Variants in RANBP2 observed in about 807,000 individuals in gnomAD.
The protein encoded by RANBP2 is RAN binding protein 2.
In RANBP2, 57 loss-of-function variants were observed where a neutral mutation model predicts 303.6. The ratio of observed to expected loss-of-function variants is 0.19; its 90% CI spans 0.15 to 0.23. RANBP2 has a LOEUF of 0.23. RANBP2 is among the 10% of genes least tolerant of loss of function. The pLI, the probability that RANBP2 is intolerant of heterozygous loss-of-function variation, is 1.00. For synonymous variants in RANBP2, 1,167 were observed against 1,301.5 expected (o/e 0.90, Z 2.23); for missense variants, 3,138 against 3,780.8 (o/e 0.83, Z 4.46).
At chr2:108,805,080 G>C in the RANBP2 span, 1 of 843,358 alleles carries the variant, frequency 1.2e-6, no homozygotes, top group Non-Finnish European at 1.6e-6. Context: ...ACAAATTAAA[G>C]TCAGCCTTAG....
At chr2:109,424,922 C>T in the RANBP2 span, among the ~76,000 whole-genome samples, 6 of 152,068 alleles carry the variant, frequency 3.9e-5, no homozygotes, top group African/African-American at 7.2e-5. Flanking sequence ...TTAAGCTTGG[C>T]GAGGAAGTCA....
the RANBP2 span, among the ~76,000 whole-genome samples, chr2:109,438,365 T>C: frequency 6.6e-6 from 1 of 151,974 alleles, no homozygotes; most frequent in African/African-American, 2.4e-5. Flanking sequence ...GTGCCCAATG[T>C]CTGGCACCAT....
chr2:109,503,564 CTATT>C, the RANBP2 span: 1 of 152,184 alleles, frequency 6.6e-6, no homozygotes, highest in African/African-American at 2.4e-5. Flanking sequence ...CAAAAGCTCT[CTATT>C]TACCATTATT....
chr2:109,602,001 G>A, the RANBP2 span, among the ~76,000 whole-genome samples: 1 of 152,296 alleles, frequency 6.6e-6, no homozygotes, highest in African/African-American at 2.4e-5. Flanking sequence ...TAGTGAGGCA[G>A]ATTTTGACAC....
the RANBP2 span, among the ~76,000 whole-genome samples, chr2:109,194,714 C>T: frequency 6.6e-6 from 1 of 152,204 alleles, no homozygotes; most frequent in South Asian, 2.1e-4. Context: ...ATTCCCTCCA[C>T]CCTAAACACT....
At chr2:109,175,331 T>C in the RANBP2 span, among the ~76,000 whole-genome samples, 15 of 152,248 alleles carry the variant, frequency 9.9e-5, no homozygotes, top group African/African-American at 3.6e-4. Context: ...GAGGGGTTTG[T>C]ATTTCATCCT....
At chr2:108,824,113 C>G in the RANBP2 span, among the ~76,000 whole-genome samples, 1 of 151,978 alleles carries the variant, frequency 6.6e-6, no homozygotes, top group Non-Finnish European at 1.5e-5. Context: ...GACATGCAGG[C>G]TACAGTAAAT....
chr2:109,324,887 G>A, the RANBP2 span, among the ~76,000 whole-genome samples: 1 of 152,218 alleles, frequency 6.6e-6, no homozygotes, highest in South Asian at 2.1e-4. Flanking sequence ...CTCCTGGAAG[G>A]AACGGTGGAG....
the RANBP2 span, among the ~76,000 whole-genome samples, chr2:109,418,788 C>T: frequency 6.6e-6 from 1 of 152,198 alleles, no homozygotes; most frequent in African/African-American, 2.4e-5. Context: ...AGACAGGACA[C>T]TGTCCTAGGG....
chr2:108,852,408 C>T, the RANBP2 span, among the ~76,000 whole-genome samples: 2 of 152,206 alleles, frequency 1.3e-5, no homozygotes, highest in Admixed American at 1.3e-4. Flanking sequence ...GGGTATATAC[C>T]CAAACTAATA....
the RANBP2 span, among the ~76,000 whole-genome samples, chr2:108,957,685 C>T: frequency 2.0e-5 from 3 of 152,358 alleles, no homozygotes; most frequent in Middle Eastern, 3.4e-3. Flanking sequence ...ATGTCCAAAC[C>T]CCATCCTTCA....
chr2:109,183,557 T>G, the RANBP2 span, among the ~76,000 whole-genome samples: 1 of 152,050 alleles, frequency 6.6e-6, no homozygotes, highest in Non-Finnish European at 1.5e-5. Context: ...CATTTGAGTC[T>G]TACCCCAGCT....
chr2:109,421,156 T>C, the RANBP2 span, among the ~76,000 whole-genome samples: 1 of 152,198 alleles, frequency 6.6e-6, no homozygotes, highest in Non-Finnish European at 1.5e-5. Flanking sequence ...AAGAATTGGA[T>C]GCAGGATGCT....
At chr2:109,372,697 C>G in the RANBP2 span, among the ~76,000 whole-genome samples, 2 of 152,202 alleles carry the variant, frequency 1.3e-5, no homozygotes, top group East Asian at 3.9e-4. Context: ...GCCAGCCCTT[C>G]ACTCTCCTGC....
the RANBP2 span, among the ~76,000 whole-genome samples, chr2:109,195,560 C>T: frequency 6.6e-6 from 1 of 152,238 alleles, no homozygotes; most frequent in Non-Finnish European, 1.5e-5. Flanking sequence ...TTGCACCTAA[C>T]CCTCGCATGC....
the RANBP2 span, chr2:109,504,462 C>T: frequency 7.2e-4 from 109 of 152,302 alleles, no homozygotes; most frequent in African/African-American, 2.4e-3. Flanking sequence ...CAGGCTCAGC[C>T]GACTGGGAGA....
chr2:109,251,446 T>A, the RANBP2 span: 7 of 720,458 alleles, frequency 9.7e-6, no homozygotes, highest in African/African-American at 1.0e-4. Context: ...CCCTCCCGAG[T>A]TGAAAAAATC....
intron 4 of RANBP2, among the ~76,000 whole-genome samples, chr2:108,734,228 G>A (rs1241567726): frequency 2.6e-5 from 4 of 151,352 alleles, no homozygotes; most frequent in Non-Finnish European, 5.9e-5. Flanking sequence ...AAGGTAAAAT[G>A]GAATTTATAT....
the RANBP2 span, among the ~76,000 whole-genome samples, chr2:109,628,758 T>C: frequency 6.6e-6 from 1 of 152,180 alleles, no homozygotes; most frequent in South Asian, 2.1e-4. Context: ...CATGGTACTT[T>C]TTCAAAGCAC....
Sources: allele counts gnomAD v4.1 joint callset (sites outside exome capture counted in the v4.1 genomes callset), GRCh38; gene constraint gnomAD v4.1.1; transcripts MANE v1.5; gene names NCBI Gene and HGNC (gene_info 2026-07-23, HGNC 2026-07-21).